The following TMX3 variants were observed in gnomAD, a reference collection of about 807,000 sequenced individuals.
TMX3 encodes the protein thioredoxin related transmembrane protein 3, also known as protein disulfide-isomerase TMX3.
TMX3 carries 40 observed loss-of-function variants against 64.4 expected under a neutral mutation model. That is an observed-to-expected ratio of 0.62 (90% CI 0.48 to 0.81). The LOEUF (loss-of-function observed/expected upper bound fraction) is 0.81. Among genes scored for constraint, TMX3 ranks in the 30% least tolerant of loss-of-function variants. The pLI is 0.00. For missense variants in TMX3, 497 were observed against 534.5 expected (o/e 0.93, Z 0.69); for synonymous variants, 189 against 175.7 (o/e 1.08, Z -0.60).
rs111324140 is a variant in TMX3, at chr18:68,681,335, T to C, written c.906-225A>G. On this transcript the variant is annotated intron_variant, in intron 13 of 15. Transcript: ENST00000299608. ...TATTTCTAGGATACGCAATTCATCT[T>C]TAAGTCTTTTCAAATTATCAAAAAT... 7.0e-3 allele frequency: 4,298 copies of C among 611,580 alleles called. 145 individuals are homozygous for C. In the African/African-American group the frequency reaches 0.077, roughly 11 times the overall value. 37.9% of individuals were successfully genotyped at this position (611,580 alleles called of 1,614,324 possible).
chr18:68,679,613 G>C (rs758587875), intron 14 of TMX3, 82 bp from the exon 15 acceptor site: 1 of 1,200,628 alleles, frequency 8.3e-7, no homozygotes, highest in Admixed American at 2.2e-5. Context: ...ACAATTGCAG[G>C]CCAAATGGTT....
chr18:68,684,195 G>C lies in TMX3; in HGVS notation c.843C>G (p.Phe281Leu), dbSNP rs758562369. ...CTCAGAATATAAGCACCTACCTATG[G>C]AAGAGGTCTCTGTAATCTCTTGCAA... ...QEVARDYRDL[F>L]HRDFQFGHMD... Residue 281 changes from phenylalanine (F) to leucine (L), a missense_variant, in exon 12 of 16, where the codon TTC becomes TTG. Phe to Leu is a conservative substitution (Grantham distance 22, BLOSUM62 0). This residue lies in a region of TMX3 where 360 missense variants were observed against 383.5 expected (regional missense o/e 0.94). Coordinates refer to ENST00000299608, the MANE Select transcript of TMX3 (RefSeq NM_019022.5). 2 of 1,608,864 alleles carry C rather than the reference G, an allele frequency of 1.2e-6. No individual in the cohort carries two copies. Among genetic ancestry groups the C allele is most frequent in the Non-Finnish European group, 1.7e-6 (2 of 1,176,572 alleles).
At position 68,693,409 on chromosome 18, in the gene TMX3, C is replaced by T. The variant is rs191880217; in HGVS notation, c.571-2048G>A. 4.3e-4 allele frequency among the ~76,000 whole-genome samples: 65 copies of T among 152,230 alleles called. No individual in the cohort carries two copies. The East Asian group carries it at 5.8e-3, about 14-fold the overall frequency. ...TGGACCCTGGCATCCCTGAGCTCTC[C>T]GGGGCCTGGAAAGCAGCCACCCCCA... On this transcript the variant is annotated intron_variant, in intron 8 of 15. Transcript: ENST00000299608.
At chr18:68,701,584 AAAG>A in intron 5 of TMX3, 158 bp downstream of exon 5, 1 of 1,492,558 alleles carries the variant, frequency 6.7e-7, no homozygotes, top group South Asian at 1.2e-5. Context: ...AGAAAAGCAT[AAAG>A]AAGCAGTCCC....
At chr18:68,705,998 G>A (rs17079595) in intron 4 of TMX3, among the ~76,000 whole-genome samples, 16,856 of 152,094 alleles carry the variant, frequency 0.11, 2,460 homozygotes, top group African/African-American at 0.33. Flanking sequence ...ATCTCACCCC[G>A]GACTAAAACC....
chr18:68,692,401 T>C (rs1369691348), intron 8 of TMX3, among the ~76,000 whole-genome samples: 8 of 152,164 alleles, frequency 5.3e-5, no homozygotes, highest in Non-Finnish European at 7.4e-5. Flanking sequence ...TTTTCAACCA[T>C]CTTCTATTAC....
chr18:68,684,105 C>A, intron 12 of TMX3, 85 bp downstream of exon 12: 1 of 957,812 alleles, frequency 1.0e-6, no homozygotes, highest in Admixed American at 2.2e-5. Flanking sequence ...CCTCTAAAAG[C>A]ATGAATACTA....
chr18:68,689,328 C>T (rs1914279330), intron 9 of TMX3, among the ~76,000 whole-genome samples: 1 of 151,198 alleles, frequency 6.6e-6, no homozygotes. Flanking sequence ...CTTTCCTAGG[C>T]AGGCTCAAAA....
chr18:68,711,422 AATGTTTGATTGT>A lies in TMX3; in HGVS notation c.102-31_102-20del. The A allele has an allele frequency of 1.3e-6, 2 of 1,564,270 alleles. No individual in the cohort carries two copies. Among genetic ancestry groups the A allele is most frequent in the Non-Finnish European group, 1.7e-6 (2 of 1,143,216 alleles). On this transcript the variant is annotated intron_variant, in intron 2 of 15. Coordinates refer to ENST00000299608, the MANE Select transcript of TMX3 (RefSeq NM_019022.5). ...TTTAAACCTAAAAAACAAGAAAACA[AATGTTTGATTGT>A]ATGTTTGTGTCCACTTTACAACTGT...
At chr18:68,700,974 T>G (rs901393058) in intron 5 of TMX3, 91 of 985,076 alleles carry the variant, frequency 9.2e-5, no homozygotes, top group Non-Finnish European at 1.0e-4. Context: ...TACATAATTC[T>G]TCAAAAGCCA....
At chr18:68,681,787 T>G (rs1482009352) in intron 13 of TMX3, among the ~76,000 whole-genome samples, 1 of 152,200 alleles carries the variant, frequency 6.6e-6, no homozygotes, top group Admixed American at 6.5e-5. Flanking sequence ...GTTGTTGAGC[T>G]TCCACTGGGC....
At position 68,679,353 on chromosome 18, in the gene TMX3, TAA is replaced by T. The variant is rs1740326927; in HGVS notation, c.1104+108_1104+109del. On this transcript the variant is annotated intron_variant, in intron 15 of 15. Transcript: ENST00000299608. ...TACTGACTAGTCATATCCTGCAAAT[TAA>T]AAAGACATATTTTGACCTAATCTTT... The T allele has an allele frequency of 9.0e-6, 7 of 781,002 alleles. No individual in the cohort carries two copies. The South Asian group carries it at 1.3e-4, about 14-fold the overall frequency. 48.4% of individuals were successfully genotyped at this position (781,002 alleles called of 1,614,324 possible).
intron 3 of TMX3, among the ~76,000 whole-genome samples, chr18:68,710,450 C>T (rs541107147): frequency 2.0e-5 from 3 of 152,154 alleles, no homozygotes; most frequent in South Asian, 4.1e-4. Context: ...CTATATGAAA[C>T]GTTTTATATA....
At chr18:68,696,623 C>T (rs547662555) in intron 8 of TMX3, among the ~76,000 whole-genome samples, 4 of 151,970 alleles carry the variant, frequency 2.6e-5, no homozygotes, top group South Asian at 4.2e-4. Flanking sequence ...AGTACAGGCA[C>T]GTGCCACCAT....
chr18:68,699,571 CATTTT>C (rs1383673282), intron 6 of TMX3, among the ~76,000 whole-genome samples: 6 of 152,104 alleles, frequency 3.9e-5, no homozygotes, highest in African/African-American at 7.2e-5. Flanking sequence ...CCAACAAACT[CATTTT>C]ATTTTAATTT....
At chr18:68,699,279 C>A (rs1487403220) in intron 6 of TMX3, among the ~76,000 whole-genome samples, 1 of 152,096 alleles carries the variant, frequency 6.6e-6, no homozygotes, top group Non-Finnish European at 1.5e-5. Context: ...CCAATTACAT[C>A]AGGAGAATCC....
At position 68,701,789 on chromosome 18, in the gene TMX3, G is replaced by T; in HGVS notation, c.267C>A (p.Ser89Arg). ...VGKMDATSYSSIASEFGVRGY... is the reference protein window; with the variant it reads ...VGKMDATSYSRIASEFGVRGY... ...CTCGAACTCCAAACTCTGAAGCAAT[G>T]CCTTGATAAGAAAAAGAATAAAGCA... The change falls in exon 5 of 16, where the codon AGC becomes AGA. Residue 89 changes from serine to arginine, a missense_variant and splice_region_variant. Physicochemically the swap from Ser to Arg is moderately radical, Grantham distance 110. This residue lies in a region of TMX3 where 360 missense variants were observed against 383.5 expected (regional missense o/e 0.94). Coordinates refer to ENST00000299608, the MANE Select transcript of TMX3 (RefSeq NM_019022.5). 1 of 1,610,138 alleles carries T rather than the reference G, an allele frequency of 6.2e-7. No homozygotes were observed. Among genetic ancestry groups the T allele is most frequent in the South Asian group, 1.1e-5 (1 of 90,790 alleles).
At chr18:68,692,747 G>A (rs1037908432) in intron 8 of TMX3, among the ~76,000 whole-genome samples, 1 of 152,062 alleles carries the variant, frequency 6.6e-6, no homozygotes, top group African/African-American at 2.4e-5. Flanking sequence ...CAGGAATAAA[G>A]AATGCCTAAA....
At chr18:68,703,610 T>C (rs371328755) in intron 4 of TMX3, among the ~76,000 whole-genome samples, 3 of 152,276 alleles carry the variant, frequency 2.0e-5, no homozygotes, top group East Asian at 3.9e-4. Flanking sequence ...ATAATTTTAA[T>C]TGACAGTAAC....
Sources: allele counts gnomAD v4.1 joint callset (sites outside exome capture counted in the v4.1 genomes callset), GRCh38; gene constraint gnomAD v4.1.1; regional missense constraint gnomAD v4.1.1; transcripts MANE v1.5; gene names NCBI Gene and HGNC (gene_info 2026-07-23, HGNC 2026-07-21).